EMCN: variants seen among roughly 807,000 people sequenced by gnomAD.
EMCN encodes the protein endomucin, also known as MUC-14.
Under a neutral mutation model 38.4 loss-of-function variants are expected in EMCN, and 37 were observed. The observed-to-expected ratio is 0.96, with a 90% CI of 0.74 to 1.27. The LOEUF is 1.27. EMCN is among the 50% of genes most tolerant of loss of function. The pLI, the probability that EMCN is intolerant of heterozygous loss-of-function variation, is 0.00. For synonymous variants in EMCN, 95 were observed against 100.8 expected, an observed-to-expected ratio of 0.94 and a Z score of 0.35; for missense variants, 318 against 302.8, an observed-to-expected ratio of 1.05 and a Z score of -0.37.
At chr4:100,477,164 C>G (rs1011727278) in intron 2 of EMCN, among the ~76,000 whole-genome samples, 10 of 152,124 alleles carry the variant, frequency 6.6e-5, no homozygotes, top group Non-Finnish European at 5.9e-5. Context: ...TGTTGAGAAA[C>G]TTTTATTCCT....
intron 11 of EMCN, among the ~76,000 whole-genome samples, chr4:100,405,786 C>T (rs575491980): frequency 6.6e-6 from 1 of 151,980 alleles, no homozygotes; most frequent in South Asian, 2.1e-4. Context: ...GGAATTGATT[C>T]AGTAGGATTG....
At position 100,469,639 on chromosome 4, in the gene EMCN, T is replaced by A. The variant is rs1371389966; in HGVS notation, c.260-4100A>T. Among the ~76,000 whole-genome samples the A allele has an allele frequency of 2.9e-4, 18 of 61,344 alleles. 2 individuals carry two copies. The highest frequency in any genetic ancestry group is 2.3e-3 in the South Asian group (4 of 1,760). The allele number at this position is 61,344 out of a possible 152,430, so 40.2% of individuals were successfully genotyped here. ...TAAAGAAGGGGTACAGTTTTAATCT[T>A]CTGCATATGGCTAGCCAATTATTCC... On this transcript the variant is annotated intron_variant, in intron 3 of 11. Coordinates refer to ENST00000296420, the MANE Select transcript of EMCN (RefSeq NM_016242.4).
chr4:100,495,976 A>C (rs1186182075), intron 1 of EMCN, among the ~76,000 whole-genome samples: 2 of 152,172 alleles, frequency 1.3e-5, no homozygotes, highest in African/African-American at 4.8e-5. Context: ...TATTGATTAT[A>C]TGATTTACTG....
intron 2 of EMCN, among the ~76,000 whole-genome samples, chr4:100,478,705 G>T (rs1728726456): frequency 6.6e-6 from 1 of 151,762 alleles, no homozygotes; most frequent in Non-Finnish European, 1.5e-5. Context: ...AATAAAAATT[G>T]ATAAAAAGTA....
At chr4:100,399,609 T>C (rs967325311) in intron 11 of EMCN, among the ~76,000 whole-genome samples, 1 of 152,118 alleles carries the variant, frequency 6.6e-6, no homozygotes, top group East Asian at 1.9e-4. Flanking sequence ...GTCGAGCACA[T>C]GCCAGAGCAT....
intron 8 of EMCN, among the ~76,000 whole-genome samples, chr4:100,419,238 T>C (rs963510772): frequency 6.6e-6 from 1 of 152,118 alleles, no homozygotes; most frequent in Non-Finnish European, 1.5e-5. Flanking sequence ...AAATCTCTGA[T>C]TCATGTTGTC....
chr4:100,455,254 A>G (rs1323648475), intron 4 of EMCN, among the ~76,000 whole-genome samples: 1 of 152,078 alleles, frequency 6.6e-6, no homozygotes, highest in Non-Finnish European at 1.5e-5. Context: ...TTGTTTCTAC[A>G]TATGTCGTAA....
chr4:100,411,800 A>T lies in EMCN; in HGVS notation c.752-1445T>A, dbSNP rs180750816. On this transcript the variant is annotated intron_variant, in intron 10 of 11. Coordinates refer to ENST00000296420, the MANE Select transcript of EMCN (RefSeq NM_016242.4). ...TTTGCCAAATTAACAACATGTTAAG[A>T]TGAGGGAAAGACTATTTGTAGTTGA... Among the ~76,000 whole-genome samples, 556 of 152,330 alleles carry T rather than the reference A, an allele frequency of 3.6e-3. 7 individuals carry two copies. Among genetic ancestry groups the T allele is most frequent in the African/African-American group, 0.013 (525 of 41,576 alleles).
At chr4:100,465,311 A>AGACAATTTAAGCAGAGCAT in intron 4 of EMCN, 112 bp downstream of exon 4, 1 of 619,554 alleles carries the variant, frequency 1.6e-6, no homozygotes, top group Non-Finnish European at 2.9e-6. Flanking sequence ...AGAGATTAAG[A>AGACAATTTAAGCAGAGCAT]GACAATTTAA....
At chr4:100,426,218 G>C (rs1272277167) in intron 5 of EMCN, among the ~76,000 whole-genome samples, 1 of 152,074 alleles carries the variant, frequency 6.6e-6, no homozygotes, top group African/African-American at 2.4e-5. Context: ...ACTATAGAAA[G>C]CATAAGTGAC....
intron 1 of EMCN, among the ~76,000 whole-genome samples, chr4:100,517,423 G>A (rs956148505): frequency 1.3e-5 from 2 of 151,966 alleles, no homozygotes; most frequent in African/African-American, 4.8e-5. Flanking sequence ...AAATAGTTGG[G>A]AAAAATACAG....
Position 100,479,977 on chromosome 4 carries a change from G to C in EMCN, c.127C>G (p.Pro43Ala), listed in dbSNP as rs751041552. Reference sequence around the variant, plus strand: ...TTTTTCTGTAATGATTCTGTGTTTGGTGTTGTTATAGATGGTTTTGTTGTA... The same window carrying C: ...TTTTTCTGTAATGATTCTGTGTTTGCTGTTGTTATAGATGGTTTTGTTGTA... ...VTTTKPSITT[P>A]NTESLQKNVV... The change falls in exon 2 of 12, where the codon CCA (proline) becomes GCA (alanine). Residue 43 changes from proline (P) to alanine (A), a missense_variant. Pro to Ala is a conservative substitution (Grantham distance 27, BLOSUM62 -1). Coordinates refer to ENST00000296420, the MANE Select transcript of EMCN (RefSeq NM_016242.4). 3 of 1,608,428 alleles carry C rather than the reference G, an allele frequency of 1.9e-6. No homozygotes were observed. The highest frequency in any genetic ancestry group is 2.5e-6 in the Non-Finnish European group (3 of 1,177,972).
intron 4 of EMCN, among the ~76,000 whole-genome samples, chr4:100,456,175 G>A (rs1435965452): frequency 6.6e-6 from 1 of 152,020 alleles, no homozygotes; most frequent in Non-Finnish European, 1.5e-5. Context: ...CCCCTGGGGT[G>A]TCCCACACCT....
intron 3 of EMCN, among the ~76,000 whole-genome samples, chr4:100,465,810 GA>G (rs1728300067): frequency 6.6e-6 from 1 of 152,090 alleles, no homozygotes; most frequent in Non-Finnish European, 1.5e-5. Flanking sequence ...TCATGATGAT[GA>G]TGATTTTATA....
intron 10 of EMCN, among the ~76,000 whole-genome samples, chr4:100,411,957 T>G (rs1038808059): frequency 2.0e-5 from 3 of 152,204 alleles, no homozygotes; most frequent in Non-Finnish European, 4.4e-5. Context: ...GTGGTTTTTT[T>G]TTGTTGTTAA....
chr4:100,489,009 G>A (rs1029126282), intron 1 of EMCN, among the ~76,000 whole-genome samples: 2 of 152,080 alleles, frequency 1.3e-5, no homozygotes, highest in Non-Finnish European at 2.9e-5. Context: ...TACATTATTT[G>A]ATTCTAATAA....
intron 11 of EMCN, among the ~76,000 whole-genome samples, chr4:100,399,884 A>G (rs910829331): frequency 6.6e-6 from 1 of 152,138 alleles, no homozygotes; most frequent in Non-Finnish European, 1.5e-5. Context: ...TGTAATAAGC[A>G]TAGTATTTTT....
intron 2 of EMCN, 75 bp from the exon 3 acceptor site, chr4:100,475,184 A>T: frequency 2.7e-6 from 2 of 742,224 alleles, no homozygotes; most frequent in Middle Eastern, 2.7e-4. Context: ...AGTAAGTTAA[A>T]TCTATAGGTG....
chr4:100,450,182 G>A (rs1727797849), intron 4 of EMCN, among the ~76,000 whole-genome samples: 1 of 151,970 alleles, frequency 6.6e-6, no homozygotes, highest in South Asian at 2.1e-4. Context: ...AATTAGCAGT[G>A]TGCTTAGTTA....
Sources: allele counts gnomAD v4.1 joint callset (sites outside exome capture counted in the v4.1 genomes callset), GRCh38; gene constraint gnomAD v4.1.1; transcripts MANE v1.5; gene names NCBI Gene and HGNC (gene_info 2026-07-23, HGNC 2026-07-21).